WLS: variants seen among roughly 807,000 people sequenced by gnomAD.
WLS encodes protein wntless homolog.
Under a neutral mutation model 62.8 loss-of-function variants are expected in WLS, and 23 were observed. The ratio of observed to expected loss-of-function variants is 0.37; its 90% CI spans 0.26 to 0.52. WLS has a LOEUF of 0.52. WLS is among the 20% of genes least tolerant of loss of function. The probability of loss-of-function intolerance (pLI) is 0.92; values close to 1 mark genes in which losing one functional copy is unlikely to be tolerated. For missense variants in WLS, 615 were observed against 697.3 expected, an observed-to-expected ratio of 0.88 and a Z score of 1.33; for synonymous variants, 246 against 244.1, an observed-to-expected ratio of 1.01 and a Z score of -0.07.
intron 2 of WLS, among the ~76,000 whole-genome samples, chr1:68,193,605 G>A (rs1472546989): frequency 1.3e-5 from 2 of 151,902 alleles, no homozygotes; most frequent in Non-Finnish European, 2.9e-5. Flanking sequence ...TCACTCCATT[G>A]GGGTGAACTC....
chr1:68,139,097 A>G (rs1398112453), intron 10 of WLS, among the ~76,000 whole-genome samples: 1 of 152,236 alleles, frequency 6.6e-6, no homozygotes, highest in Non-Finnish European at 1.5e-5. Context: ...TTAGCCAATT[A>G]TAGACTTAGC....
At chr1:68,203,332 C>T (rs775280518) in intron 1 of WLS, among the ~76,000 whole-genome samples, 10 of 152,116 alleles carry the variant, frequency 6.6e-5, no homozygotes, top group Non-Finnish European at 1.0e-4. Flanking sequence ...TATTTATTAA[C>T]GGTTACTATT....
intron 2 of WLS, among the ~76,000 whole-genome samples, chr1:68,180,940 T>C (rs2100567041): frequency 6.6e-6 from 1 of 152,294 alleles, no homozygotes. Context: ...TACTAATGAC[T>C]CACTAAAGCA....
At position 68,126,148 on chromosome 1, in the gene WLS, C is replaced by T; in HGVS notation, c.*78G>A. ...ATGAGGCATTCATTTGTACATTGAG[C>T]TCTCTCTGGCATGCTCCCCACTCTA... is the stretch of plus-strand genomic sequence containing the variant. On this transcript the variant is annotated 3_prime_UTR_variant, in exon 12 of 12. Coordinates refer to ENST00000262348, the MANE Select transcript of WLS (RefSeq NM_024911.7). 2 of 1,569,392 alleles carry T rather than the reference C, an allele frequency of 1.3e-6. No homozygotes were observed. The highest frequency in any genetic ancestry group is 1.7e-6 in the Non-Finnish European group (2 of 1,157,974).
At chr1:68,121,776 G>A (rs1342001847), downstream of WLS, among the ~76,000 whole-genome samples, 1 of 152,168 alleles carries the variant, frequency 6.6e-6, no homozygotes, top group East Asian at 1.9e-4. Flanking sequence ...TCAGGGTCAC[G>A]CAGCAGAGAG....
chr1:68,127,025 T>TAA (rs373548601), intron 11 of WLS: 35 of 327,122 alleles, frequency 1.1e-4, no homozygotes, highest in East Asian at 2.2e-4. Flanking sequence ...ACCCTGACTC[T>TAA]AAAAAAAAAA....
chr1:68,169,708 G>A (rs567972171), intron 2 of WLS, among the ~76,000 whole-genome samples: 190 of 152,242 alleles, frequency 1.2e-3, no homozygotes, highest in Non-Finnish European at 2.3e-3. Context: ...CACCTGCCCT[G>A]TTCCTGTCTA....
chr1:68,149,393 C>CTT (rs796522384), intron 6 of WLS, among the ~76,000 whole-genome samples: 79 of 152,268 alleles, frequency 5.2e-4, no homozygotes, highest in African/African-American at 1.9e-3. Flanking sequence ...AGAAAGACCC[C>CTT]TTAATGTAGA....
At chr1:68,123,941 A>G (rs539142015), downstream of WLS, among the ~76,000 whole-genome samples, 1 of 152,134 alleles carries the variant, frequency 6.6e-6, no homozygotes, top group South Asian at 2.1e-4. Context: ...GTTCTAGTAC[A>G]GTCTGTCTCT....
At chr1:68,147,447 T>G (rs1184301408) in intron 8 of WLS, among the ~76,000 whole-genome samples, 1 of 152,210 alleles carries the variant, frequency 6.6e-6, no homozygotes, top group African/African-American at 2.4e-5. Context: ...CGTGGCAAGA[T>G]ATGAGCCATC....
At chr1:68,208,391 C>A (rs529387342) in intron 1 of WLS, among the ~76,000 whole-genome samples, 1 of 152,024 alleles carries the variant, frequency 6.6e-6, no homozygotes, top group Non-Finnish European at 1.5e-5. Context: ...TAGATGGATT[C>A]TTTGAGTTTT....
intron 6 of WLS, 133 bp downstream of exon 6, chr1:68,150,055 G>GTTGTA: frequency 3.3e-6 from 3 of 912,782 alleles, no homozygotes; most frequent in Non-Finnish European, 4.9e-6. Context: ...TCTGCCTCCA[G>GTTGTA]AGTTCCCACT....
intron 11 of WLS, among the ~76,000 whole-genome samples, chr1:68,118,646 C>T (rs113124700): frequency 0.045 from 6,746 of 151,296 alleles, 155 homozygotes; most frequent in Middle Eastern, 0.12. Context: ...GAAGCCAAGA[C>T]GGGCAAATCA....
intron 2 of WLS, among the ~76,000 whole-genome samples, chr1:68,189,957 C>T (rs1648194874): frequency 6.6e-6 from 1 of 152,182 alleles, no homozygotes; most frequent in African/African-American, 2.4e-5. Flanking sequence ...TGCCGTGAAC[C>T]AAGATCATGC....
At chr1:68,102,823 C>CT (rs894815356) in intron 11 of WLS, 1 of 152,334 alleles carries the variant, frequency 6.6e-6, no homozygotes, top group African/African-American at 2.4e-5. Flanking sequence ...CCCAAGGTGG[C>CT]TTGATTGCCT....
chr1:68,112,747 A>T (rs1646244514), intron 11 of WLS, among the ~76,000 whole-genome samples: 1 of 152,196 alleles, frequency 6.6e-6, no homozygotes, highest in Admixed American at 6.5e-5. Flanking sequence ...GGGAACCTTG[A>T]TTGTTAAGAA....
chr1:68,106,369 GTGA>G (rs1157076887), intron 11 of WLS, among the ~76,000 whole-genome samples: 1 of 152,126 alleles, frequency 6.6e-6, no homozygotes, highest in Non-Finnish European at 1.5e-5. Context: ...GTGGGCCTGG[GTGA>G]TGATGTCCTC....
intron 1 of WLS, chr1:68,202,942 T>C (rs1356892583): frequency 6.6e-6 from 1 of 152,198 alleles, no homozygotes; most frequent in Non-Finnish European, 1.5e-5. Flanking sequence ...CACATTTATA[T>C]TGGAATTTTA....
intron 5 of WLS, among the ~76,000 whole-genome samples, chr1:68,150,867 C>T (rs562696776): frequency 1.1e-3 from 160 of 152,330 alleles, no homozygotes; most frequent in African/African-American, 3.7e-3. Context: ...TCCCCTGTCA[C>T]ACTAAGAACT....
Sources: allele counts gnomAD v4.1 joint callset (sites outside exome capture counted in the v4.1 genomes callset), GRCh38; gene constraint gnomAD v4.1.1; transcripts MANE v1.5; gene names NCBI Gene and HGNC (gene_info 2026-07-23, HGNC 2026-07-21).